The following BRINP3 variants were observed in gnomAD, a reference collection of about 807,000 sequenced individuals.
The protein encoded by BRINP3 is BMP/retinoic acid inducible neural specific 3, also known as BMP/retinoic acid-inducible neural-specific protein 3.
Under a neutral mutation model 71.0 loss-of-function variants are expected in BRINP3, and 19 were observed. The observed-to-expected ratio is 0.27, with a 90% confidence interval of 0.19 to 0.39. The LOEUF (loss-of-function observed/expected upper bound fraction) is 0.39, where lower values mean the gene tolerates loss of function less well. Among genes scored for constraint, BRINP3 ranks in the 10% least tolerant of loss-of-function variants. The pLI, the probability that BRINP3 is intolerant of heterozygous loss-of-function variation, is 1.00. For missense variants in BRINP3, 959 were observed against 940.8 expected (o/e 1.02, Z -0.25); for synonymous variants, 380 against 337.7 (o/e 1.13, Z -1.37).
chr1:190,205,165 C>G (rs1238133200), intron 6 of BRINP3, among the ~76,000 whole-genome samples: 2 of 146,240 alleles, frequency 1.4e-5, no homozygotes, highest in African/African-American at 2.5e-5. Context: ...GAGGCAGACA[C>G]CAGTTGATCT....
chr1:190,208,933 T>C (rs1655750797), intron 6 of BRINP3, among the ~76,000 whole-genome samples: 1 of 152,148 alleles, frequency 6.6e-6, no homozygotes, highest in Admixed American at 6.6e-5. Context: ...ATTAACACTT[T>C]GAAGGATTAC....
intron 3 of BRINP3, among the ~76,000 whole-genome samples, chr1:190,270,793 T>C (rs1440067223): frequency 1.3e-5 from 2 of 151,680 alleles, no homozygotes; most frequent in Non-Finnish European, 3.0e-5. Flanking sequence ...AATAAAGCTC[T>C]AAAGGATTCG....
chr1:190,215,379 A>G (rs1203322389), intron 6 of BRINP3, among the ~76,000 whole-genome samples: 1 of 151,912 alleles, frequency 6.6e-6, no homozygotes, highest in Non-Finnish European at 1.5e-5. Flanking sequence ...TGAGCAACCG[A>G]CAGCAGATTT....
chr1:190,327,823 A>T (rs1021107150), intron 2 of BRINP3, among the ~76,000 whole-genome samples: 1 of 152,114 alleles, frequency 6.6e-6, no homozygotes, highest in African/African-American at 2.4e-5. Flanking sequence ...TGTACAGAAT[A>T]ATCCACCCGT....
At chr1:190,403,135 T>C (rs1387748640) in intron 2 of BRINP3, among the ~76,000 whole-genome samples, 1 of 152,220 alleles carries the variant, frequency 6.6e-6, no homozygotes, top group Non-Finnish European at 1.5e-5. Context: ...TATCAAAACA[T>C]TCTTTTGTCC....
chr1:190,198,942 C>T (rs911928060), intron 6 of BRINP3, among the ~76,000 whole-genome samples: 1 of 151,256 alleles, frequency 6.6e-6, no homozygotes, highest in African/African-American at 2.4e-5. Context: ...TACTCTGTTA[C>T]CACACTGCTA....
chr1:190,442,397 A>C (rs1674884931), intron 2 of BRINP3, among the ~76,000 whole-genome samples: 1 of 152,192 alleles, frequency 6.6e-6, no homozygotes, highest in African/African-American at 2.4e-5. Flanking sequence ...CAAGAGAGGT[A>C]GTTTAATTAG....
chr1:190,100,484 A>C lies in BRINP3; in HGVS notation c.1185-1350T>G, dbSNP rs116339773. On this transcript the variant is annotated intron_variant, in intron 7 of 7. Coordinates refer to ENST00000367462, the MANE Select transcript of BRINP3 (RefSeq NM_199051.3). The stretch of plus-strand genomic sequence containing the variant: ...GAATGCCAGGAGATAACAAGCCTTT[A>C]ATATTTATTGAATATTGAATAAAAT... Among the ~76,000 whole-genome samples the C allele has an allele frequency of 1.7e-3, 259 of 152,296 alleles. 2 individuals are homozygous for C. Among genetic ancestry groups the C allele is most frequent in the South Asian group, 6.8e-3 (33 of 4,826 alleles).
At chr1:190,163,307 C>T (rs991696693) in intron 6 of BRINP3, among the ~76,000 whole-genome samples, 4 of 151,938 alleles carry the variant, frequency 2.6e-5, no homozygotes, top group Non-Finnish European at 4.4e-5. Flanking sequence ...GGAAAATACA[C>T]AACAGCCCTA....
At chr1:190,296,820 T>A (rs560494583) in intron 2 of BRINP3, among the ~76,000 whole-genome samples, 39 of 151,908 alleles carry the variant, frequency 2.6e-4, no homozygotes, top group Non-Finnish European at 3.4e-4. Flanking sequence ...TAAAAAAGAA[T>A]AAAAGGCTTA....
chr1:190,100,763 A>C (rs2102241552), intron 7 of BRINP3, among the ~76,000 whole-genome samples: 1 of 152,342 alleles, frequency 6.6e-6, no homozygotes, highest in South Asian at 2.1e-4. Flanking sequence ...AGCCAACCAT[A>C]AAACATTTTC....
chr1:190,302,303 G>T (rs926633921), intron 2 of BRINP3, among the ~76,000 whole-genome samples: 8 of 147,586 alleles, frequency 5.4e-5, no homozygotes, highest in African/African-American at 2.0e-4. Context: ...TTAAGTGATG[G>T]AATGTTGTAG....
chr1:190,178,080 G>T (rs1298164341), intron 6 of BRINP3, among the ~76,000 whole-genome samples: 3 of 152,124 alleles, frequency 2.0e-5, no homozygotes, highest in Non-Finnish European at 4.4e-5. Flanking sequence ...AAGCATCCAT[G>T]TATTTTGGTA....
chr1:190,223,766 C>G (rs931116073), intron 6 of BRINP3, among the ~76,000 whole-genome samples: 1 of 151,544 alleles, frequency 6.6e-6, no homozygotes, highest in African/African-American at 2.4e-5. Flanking sequence ...AATTTCATAC[C>G]TAGAAAAAAC....
At chr1:190,271,128 A>G (rs932839390) in intron 3 of BRINP3, among the ~76,000 whole-genome samples, 4 of 151,622 alleles carry the variant, frequency 2.6e-5, no homozygotes, top group Non-Finnish European at 5.9e-5. Context: ...AGGTGTTGCA[A>G]CATTAATTGA....
chr1:190,443,123 G>A (rs1674947094), intron 2 of BRINP3, among the ~76,000 whole-genome samples: 1 of 151,788 alleles, frequency 6.6e-6, no homozygotes, highest in Non-Finnish European at 1.5e-5. Flanking sequence ...ATATAGGCCA[G>A]AATGATATCA....
intron 1 of BRINP3, among the ~76,000 whole-genome samples, chr1:190,457,158 C>T (rs1427940561): frequency 1.3e-5 from 2 of 152,038 alleles, no homozygotes; most frequent in Non-Finnish European, 1.5e-5. Flanking sequence ...AATTCTAGCC[C>T]TGGCCAGGCA....
chr1:190,324,528 G>A (rs761355729), intron 2 of BRINP3, among the ~76,000 whole-genome samples: 5 of 151,742 alleles, frequency 3.3e-5, no homozygotes, highest in African/African-American at 1.2e-4. Flanking sequence ...TACTGATATG[G>A]TCCTTCATTC....
At chr1:190,406,187 A>G (rs1366336095) in intron 2 of BRINP3, among the ~76,000 whole-genome samples, 2 of 152,250 alleles carry the variant, frequency 1.3e-5, no homozygotes, top group African/African-American at 4.8e-5. Flanking sequence ...TGATTGTTAC[A>G]GGATAATGGA....
Sources: allele counts gnomAD v4.1 joint callset (sites outside exome capture counted in the v4.1 genomes callset), GRCh38; gene constraint gnomAD v4.1.1; transcripts MANE v1.5; gene names NCBI Gene and HGNC (gene_info 2026-07-23, HGNC 2026-07-21).